AIG1: variants seen among roughly 807,000 people sequenced by gnomAD.
AIG1 encodes the protein androgen-induced gene 1 protein.
In AIG1, 23 loss-of-function variants were observed where a neutral mutation model predicts 31.4. That is an observed-to-expected ratio of 0.73 (90% CI 0.53 to 1.04). The LOEUF is 1.04. Among genes scored for constraint, AIG1 ranks in the 50% least tolerant of loss-of-function variants. The pLI is 0.00. For missense variants in AIG1, 274 were observed against 295.0 expected, an observed-to-expected ratio of 0.93 and a Z score of 0.52; for synonymous variants, 100 against 110.5, an observed-to-expected ratio of 0.90 and a Z score of 0.60.
intron 3 of AIG1, among the ~76,000 whole-genome samples, chr6:143,273,194 C>G (rs549468981): frequency 1.3e-5 from 2 of 152,274 alleles, no homozygotes; most frequent in East Asian, 3.9e-4. Flanking sequence ...GTTTTTAAAG[C>G]CATACTCTGA....
intron 1 of AIG1, among the ~76,000 whole-genome samples, chr6:143,104,187 A>G (rs1005332156): frequency 3.9e-5 from 6 of 152,194 alleles, no homozygotes; most frequent in African/African-American, 1.4e-4. Flanking sequence ...TTAATTTAAG[A>G]GTGAATCTTG....
At chr6:143,085,392 C>T (rs2092237) in intron 1 of AIG1, among the ~76,000 whole-genome samples, 19,294 of 152,034 alleles carry the variant, frequency 0.13, 3,782 homozygotes, top group African/African-American at 0.42. Flanking sequence ...TTACGCTCAC[C>T]GATGTAGCAG....
rs754064486 is a variant in AIG1, at chr6:143,279,662, C to T, written c.400-4448C>T. ...GCTGGTCAGTTCACAGCCTCCATGG[C>T]AGTGGAGTCAGTTCACTCCGCTCCA... On this transcript the variant is annotated intron_variant, in intron 3 of 5. Transcript: ENST00000357847. This position sits in a 1 kb window ranked among gnomAD's most constrained non-coding sequence, Gnocchi z 5.4. 5.3e-5 allele frequency among the ~76,000 whole-genome samples: 8 copies of T among 152,124 alleles called. No individual in the cohort carries two copies. The highest frequency in any genetic ancestry group is 7.4e-5 in the Non-Finnish European group (5 of 68,020).
chr6:143,061,307 G>A, intron 1 of AIG1: 1 of 641,494 alleles, frequency 1.6e-6, no homozygotes, highest in South Asian at 1.5e-5. Flanking sequence ...TGGCAACTGG[G>A]GGACAAATGG....
chr6:143,303,003 T>C (rs1307363078), intron 4 of AIG1, among the ~76,000 whole-genome samples: 1 of 152,184 alleles, frequency 6.6e-6, no homozygotes, highest in African/African-American at 2.4e-5. Flanking sequence ...TCATGTGTTT[T>C]TTGGCTGCAT....
chr6:143,086,808 G>T (rs909976371), intron 1 of AIG1, among the ~76,000 whole-genome samples: 2 of 152,208 alleles, frequency 1.3e-5, no homozygotes, highest in Admixed American at 6.5e-5. Flanking sequence ...GACCTAGGAG[G>T]TATAGGTCAG....
Position 143,284,326 on chromosome 6 carries a change from C to A in AIG1, c.515+101C>A. The A allele has an allele frequency of 1.2e-6, 1 of 842,496 alleles. No individual in the cohort carries two copies. Among genetic ancestry groups the A allele is most frequent in the Non-Finnish European group, 1.9e-6 (1 of 525,258 alleles). The allele number at this position is 842,496 out of a possible 1,614,324, so 52.2% of individuals were successfully genotyped here. ...GGATATAATCACTAACAGATTCACGCTGTGTGCCGCATTTGGTCCAAGACC... is the reference window on the plus strand; with the variant it reads ...GGATATAATCACTAACAGATTCACGATGTGTGCCGCATTTGGTCCAAGACC... On this transcript the variant is annotated intron_variant, in intron 4 of 5. Transcript: ENST00000357847. The surrounding 1 kb of genome is among the most constrained non-coding windows in gnomAD (Gnocchi z 4.4).
At chr6:143,247,196 A>G (rs1458829604) in intron 3 of AIG1, among the ~76,000 whole-genome samples, 10 of 152,186 alleles carry the variant, frequency 6.6e-5, no homozygotes, top group Non-Finnish European at 2.9e-5. Flanking sequence ...CAATGGCACA[A>G]TCTTGGCTCA....
chr6:143,212,696 C>T (rs553898913), intron 3 of AIG1, among the ~76,000 whole-genome samples: 1 of 152,252 alleles, frequency 6.6e-6, no homozygotes, highest in South Asian at 2.1e-4. Flanking sequence ...AGAGGTAAAA[C>T]GTATGAGTGT....
At chr6:143,215,893 C>T (rs913915256) in intron 3 of AIG1, among the ~76,000 whole-genome samples, 8 of 152,154 alleles carry the variant, frequency 5.3e-5, no homozygotes, top group African/African-American at 1.9e-4. Flanking sequence ...GTCTCAGACA[C>T]AACTCCTCAG....
At chr6:143,296,247 T>C (rs189096202) in intron 4 of AIG1, among the ~76,000 whole-genome samples, 42 of 152,318 alleles carry the variant, frequency 2.8e-4, no homozygotes, top group Admixed American at 9.8e-4. Context: ...CTGATAAAGT[T>C]GTAGCAGAAA....
At chr6:143,101,290 A>G (rs1015807377) in intron 1 of AIG1, among the ~76,000 whole-genome samples, 8 of 152,124 alleles carry the variant, frequency 5.3e-5, no homozygotes, top group African/African-American at 1.9e-4. Flanking sequence ...CAGTCCATCA[A>G]TTCCAGTATG....
In AIG1 at chr6:143,256,176, G is replaced by A. The variant is rs1269008807; in HGVS notation, c.400-27934G>A. Among the ~76,000 whole-genome samples the A allele has an allele frequency of 1.3e-5, 2 of 152,198 alleles. No individual in the cohort carries two copies. The highest frequency in any genetic ancestry group is 2.9e-5 in the Non-Finnish European group (2 of 68,030). On this transcript the variant is annotated intron_variant, in intron 3 of 5. Transcript: ENST00000357847. The surrounding 1 kb of genome is among the most constrained non-coding windows in gnomAD (Gnocchi z 4.6). ...CAAAAATAAATTAGAATAAACAGAA[G>A]TAAACTTCCCAACATAGGCAGTGTT...
At chr6:143,225,705 T>C (rs1792895615) in intron 3 of AIG1, among the ~76,000 whole-genome samples, 1 of 152,174 alleles carries the variant, frequency 6.6e-6, no homozygotes, top group African/African-American at 2.4e-5. Flanking sequence ...ATTTTACATA[T>C]CATAAAGTAA....
intron 2 of AIG1, among the ~76,000 whole-genome samples, chr6:143,162,621 G>A (rs1376497829): frequency 6.6e-6 from 1 of 152,178 alleles, no homozygotes; most frequent in Non-Finnish European, 1.5e-5. Context: ...TGGCAAAGGT[G>A]AAGAGATTTG....
chr6:143,280,975 T>G lies in AIG1; in HGVS notation c.400-3135T>G, dbSNP rs915386022. ...GGAAAGACATATTTAGCAAAAATCA[T>G]TTTTTACAGTGAAGACCTTTTTATT... On this transcript the variant is annotated intron_variant, in intron 3 of 5. Transcript: ENST00000357847. This position sits in a 1 kb window ranked among gnomAD's most constrained non-coding sequence, Gnocchi z 4.1. 1.3e-5 allele frequency among the ~76,000 whole-genome samples: 2 copies of G among 152,206 alleles called. No individual in the cohort carries two copies. The highest frequency in any genetic ancestry group is 2.9e-5 in the Non-Finnish European group (2 of 68,034).
intron 2 of AIG1, among the ~76,000 whole-genome samples, chr6:143,139,029 A>G (rs1471905054): frequency 6.6e-6 from 1 of 152,130 alleles, no homozygotes; most frequent in Non-Finnish European, 1.5e-5. Context: ...ACTCTCCTCA[A>G]AAGCTCATGG....
chr6:143,324,311 T>G (rs950749377), intron 4 of AIG1, among the ~76,000 whole-genome samples: 1 of 152,242 alleles, frequency 6.6e-6, no homozygotes. Flanking sequence ...AGTCTTGCGT[T>G]AAAACTTCAC....
At chr6:143,196,350 AACAC>A (rs71784011) in intron 3 of AIG1, among the ~76,000 whole-genome samples, 25,039 of 141,414 alleles carry the variant, frequency 0.18, 2,301 homozygotes, top group East Asian at 0.35. Flanking sequence ...CAACAAAAGC[AACAC>A]ACACACACAC....
Sources: allele counts gnomAD v4.1 joint callset (sites outside exome capture counted in the v4.1 genomes callset), GRCh38; gene constraint gnomAD v4.1.1; non-coding constraint Gnocchi (gnomAD v3.1); transcripts MANE v1.5; gene names NCBI Gene and HGNC (gene_info 2026-07-23, HGNC 2026-07-21).